The following MYO5A variants were observed in gnomAD, a reference collection of about 807,000 sequenced individuals.
MYO5A encodes the protein unconventional myosin-Va.
Under a neutral mutation model 249.7 loss-of-function variants are expected in MYO5A, and 98 were observed. The ratio of observed to expected loss-of-function variants is 0.39; its 90% CI spans 0.33 to 0.46. MYO5A has a LOEUF of 0.46. Among genes scored for constraint, MYO5A ranks in the 20% least tolerant of loss-of-function variants. MYO5A has a pLI of 0.98. For synonymous variants in MYO5A, 778 were observed against 810.6 expected (o/e 0.96, Z 0.68); for missense variants, 1,696 against 2,308.8 (o/e 0.73, Z 5.44).
intron 1 of MYO5A, among the ~76,000 whole-genome samples, chr15:52,497,375 T>C (rs1443904675): frequency 6.6e-6 from 1 of 152,020 alleles, no homozygotes; most frequent in East Asian, 1.9e-4. Flanking sequence ...AGTGAAATTA[T>C]GCTAGAAGTT....
intron 1 of MYO5A, among the ~76,000 whole-genome samples, chr15:52,469,912 T>C (rs2076424746): frequency 6.6e-6 from 1 of 152,226 alleles, no homozygotes; most frequent in Non-Finnish European, 1.5e-5. Context: ...CTTGAATTTC[T>C]CCAAGATTCA....
At chr15:52,353,728 C>T (rs747284157) in intron 26 of MYO5A, 70 bp from the exon 27 acceptor site, 33 of 1,588,082 alleles carry the variant, frequency 2.1e-5, no homozygotes, top group South Asian at 1.2e-4. Context: ...CTTGCTCTAC[C>T]GAAAACAGTG....
intron 1 of MYO5A, among the ~76,000 whole-genome samples, chr15:52,521,654 T>C (rs1356375919): frequency 6.6e-6 from 1 of 152,216 alleles, no homozygotes; most frequent in African/African-American, 2.4e-5. Context: ...AAAAAATAAT[T>C]ACATCATCCC....
rs2076993233 is a variant in MYO5A, at chr15:52,494,235, T to C, written c.27+34545A>G. ...TCAAAACATTCCCTATTACTAAGGA[T>C]GGCTTTTCACTAATCCACCCATAAT... On this transcript the variant is annotated intron_variant, in intron 1 of 41. Coordinates refer to ENST00000399233, the MANE Select transcript of MYO5A (RefSeq NM_001382347.1). Among the ~76,000 whole-genome samples the C allele has an allele frequency of 2.0e-5, 3 of 152,214 alleles. 1 individual carries two copies. In the South Asian group the frequency reaches 6.2e-4, roughly 31 times the overall value.
intron 1 of MYO5A, among the ~76,000 whole-genome samples, chr15:52,499,628 A>G (rs779375698): frequency 4.6e-5 from 7 of 152,216 alleles, no homozygotes; most frequent in Non-Finnish European, 1.0e-4. Context: ...GCATAATGTC[A>G]TCAAGGTTAT....
chr15:52,389,166 A>G, intron 13 of MYO5A, 72 bp downstream of exon 13: 1 of 1,485,152 alleles, frequency 6.7e-7, no homozygotes, highest in East Asian at 2.3e-5. Flanking sequence ...AAAAAAAAAG[A>G]TACCTCCTGA....
chr15:52,346,818 C>T (rs2039659001), intron 29 of MYO5A, among the ~76,000 whole-genome samples: 1 of 151,044 alleles, frequency 6.6e-6, no homozygotes, highest in Non-Finnish European at 1.5e-5. Flanking sequence ...GTATATACAG[C>T]ATTAGAAAAA....
In MYO5A at chr15:52,323,404, G is replaced by C. The variant is rs766331108; in HGVS notation, c.4751C>G (p.Ser1584Cys). ...GCAGTGCAAAAATCGGCATGTGTTAGAGAGCCAGAAGGAGACGGTTTCAAA... is the reference window on the plus strand; with the variant it reads ...GCAGTGCAAAAATCGGCATGTGTTACAGAGCCAGAAGGAGACGGTTTCAAA... ...DDFETVSFWL[S>C]NTCRFLHCLK... The change falls in exon 37 of 42, where the codon TCT becomes TGT. Residue 1584 changes from serine to cysteine, a missense_variant. This residue lies in a region of MYO5A where 625 missense variants were observed against 908.1 expected (regional missense o/e 0.69). Coordinates refer to ENST00000399233, the MANE Select transcript of MYO5A (RefSeq NM_001382347.1). The C allele has an allele frequency of 1.2e-6, 2 of 1,613,852 alleles. No individual in the cohort carries two copies. The highest frequency in any genetic ancestry group is 4.5e-5 in the East Asian group (2 of 44,854).
At chr15:52,438,706 C>T (rs558451487) in intron 1 of MYO5A, among the ~76,000 whole-genome samples, 1 of 152,254 alleles carries the variant, frequency 6.6e-6, no homozygotes, top group African/African-American at 2.4e-5. Flanking sequence ...GGACAATGAT[C>T]GGGATATAAA....
intron 1 of MYO5A, among the ~76,000 whole-genome samples, chr15:52,468,907 T>C (rs2076403539): frequency 1.3e-5 from 2 of 152,208 alleles, no homozygotes; most frequent in Non-Finnish European, 2.9e-5. Flanking sequence ...AATTTTGTAC[T>C]TTACATACTT....
At chr15:52,507,783 A>G (rs572172360) in intron 1 of MYO5A, among the ~76,000 whole-genome samples, 13 of 137,958 alleles carry the variant, frequency 9.4e-5, no homozygotes, top group South Asian at 4.8e-4. Flanking sequence ...TAGCCTGAGC[A>G]ACAGAATGAG....
In MYO5A at chr15:52,408,166, T is replaced by C. The variant is rs751021819; in HGVS notation, c.757-26A>G. Reference sequence around the variant, plus strand: ...CTTCGAAATAAGAAGAGTTTTCAATTACAGCATTTTAATCTAAAATTCAGG... The same window carrying C: ...CTTCGAAATAAGAAGAGTTTTCAATCACAGCATTTTAATCTAAAATTCAGG... On this transcript the variant is annotated intron_variant, in intron 6 of 41. Transcript: ENST00000399233. 1.1e-5 allele frequency: 15 copies of C among 1,307,222 alleles called. No homozygotes were observed. In the African/African-American group the frequency reaches 2.2e-4, roughly 19 times the overall value. The allele number at this position is 1,307,222 out of a possible 1,614,324, so 81.0% of individuals were successfully genotyped here.
chr15:52,366,228 C>T (rs1338792166), intron 23 of MYO5A, among the ~76,000 whole-genome samples: 2 of 152,114 alleles, frequency 1.3e-5, no homozygotes, highest in Admixed American at 1.3e-4. Flanking sequence ...CATTAATTTG[C>T]CTCATAAATG....
intron 23 of MYO5A, among the ~76,000 whole-genome samples, chr15:52,366,281 T>A (rs2040802382): frequency 6.6e-6 from 1 of 152,202 alleles, no homozygotes; most frequent in Non-Finnish European, 1.5e-5. Context: ...AACATATCTT[T>A]ATTGTTTTGT....
intron 1 of MYO5A, among the ~76,000 whole-genome samples, chr15:52,472,589 G>C (rs112880312): frequency 4.6e-5 from 7 of 152,174 alleles, no homozygotes; most frequent in African/African-American, 1.7e-4. Context: ...ACCCCATCCT[G>C]TGTCCCTGTG....
At chr15:52,509,115 G>C (rs1039968779) in intron 1 of MYO5A, among the ~76,000 whole-genome samples, 2 of 152,048 alleles carry the variant, frequency 1.3e-5, no homozygotes, top group African/African-American at 4.8e-5. Flanking sequence ...GGGACTATGG[G>C]CATGTGCCAC....
intron 1 of MYO5A, among the ~76,000 whole-genome samples, chr15:52,455,785 AC>A (rs958446564): frequency 2.8e-5 from 4 of 143,834 alleles, no homozygotes; most frequent in Non-Finnish European, 4.6e-5. Context: ...AAAAAAAAAA[AC>A]CTCAACAAAG....
Position 52,310,136 on chromosome 15 carries a change from C to T in MYO5A, c.*3560G>A, listed in dbSNP as rs1180930917. 1.3e-5 allele frequency: 2 copies of T among 152,208 alleles called. No homozygotes were observed. Among genetic ancestry groups the T allele is most frequent in the African/African-American group, 2.4e-5 (1 of 41,462 alleles). 9.4% of individuals were successfully genotyped at this position (152,208 alleles called of 1,614,324 possible). A position where few individuals can be genotyped will look rare whatever the true frequency, so the allele number is the denominator to read the frequency against. On this transcript the variant is annotated 3_prime_UTR_variant, in exon 42 of 42. Coordinates refer to ENST00000399233, the MANE Select transcript of MYO5A (RefSeq NM_001382347.1). ...TAACACAGCAAATTCTCCAAACTGA[C>T]AATAATCCCCAAATTCCCTATCAGT...
chr15:52,346,288 G>T, intron 30 of MYO5A, 73 bp downstream of exon 30: 1 of 912,154 alleles, frequency 1.1e-6, no homozygotes, highest in Non-Finnish European at 1.8e-6. Flanking sequence ...CACTTTTACT[G>T]TACAAGAGGC....
Sources: allele counts gnomAD v4.1 joint callset (sites outside exome capture counted in the v4.1 genomes callset), GRCh38; gene constraint gnomAD v4.1.1; regional missense constraint gnomAD v4.1.1; transcripts MANE v1.5; gene names NCBI Gene and HGNC (gene_info 2026-07-23, HGNC 2026-07-21).